Variants in MAP4K5 observed in about 807,000 individuals in gnomAD.
MAP4K5 encodes mitogen-activated protein kinase kinase kinase kinase 5.
In MAP4K5, 82 loss-of-function variants were observed where a neutral mutation model predicts 135.6. The ratio of observed to expected loss-of-function variants is 0.60; its 90% CI spans 0.51 to 0.73. The LOEUF (loss-of-function observed/expected upper bound fraction) is 0.73. Among genes scored for constraint, MAP4K5 ranks in the 30% least tolerant of loss-of-function variants. The probability of loss-of-function intolerance (pLI) is 0.00; values close to 1 mark genes in which losing one functional copy is unlikely to be tolerated. For missense variants in MAP4K5, 907 were observed against 1,010.9 expected, an observed-to-expected ratio of 0.90 and a Z score of 1.39; for synonymous variants, 347 against 335.0, an observed-to-expected ratio of 1.04 and a Z score of -0.39.
chr14:50,520,449 C>T (rs2038125364), intron 2 of MAP4K5, among the ~76,000 whole-genome samples: 1 of 152,038 alleles, frequency 6.6e-6, no homozygotes, highest in Non-Finnish European at 1.5e-5. Context: ...AGTAGTGAGC[C>T]GAGATCATGG....
intron 6 of MAP4K5, among the ~76,000 whole-genome samples, chr14:50,478,870 T>G (rs959506947): frequency 2.6e-5 from 4 of 152,156 alleles, no homozygotes; most frequent in Non-Finnish European, 5.9e-5. Context: ...TTTTCCACTG[T>G]CTTCTCACTT....
chr14:50,553,211 C>A lies in MAP4K5; in HGVS notation c.-180+7829G>T, dbSNP rs769563349. 4.7e-4 allele frequency among the ~76,000 whole-genome samples: 70 copies of A among 149,444 alleles called. 1 individual carries two copies. The highest frequency in any genetic ancestry group is 3.7e-3 in the Admixed American group (55 of 14,934). On this transcript the variant is annotated intron_variant, in intron 1 of 8. Transcript: ENST00000555216. The stretch of plus-strand genomic sequence containing the variant: ...CTCAGGAGGCTGAAGCAGGAGAATG[C>A]AGTGAGCCGAGATCGTGCCACTGCA...
At chr14:50,445,565 TTTTC>T (rs560098658) in intron 17 of MAP4K5, among the ~76,000 whole-genome samples, 15 of 152,088 alleles carry the variant, frequency 9.9e-5, no homozygotes, top group Admixed American at 3.9e-4. Context: ...GTTTTTGCCT[TTTTC>T]TTTCTTTCTT....
intron 2 of MAP4K5, among the ~76,000 whole-genome samples, chr14:50,525,818 T>G (rs1278701283): frequency 6.6e-6 from 1 of 152,126 alleles, no homozygotes; most frequent in Non-Finnish European, 1.5e-5. Flanking sequence ...CACTGCAGCC[T>G]AAGTGAAAAA....
chr14:50,536,752 G>T (rs987247703), upstream of MAP4K5, among the ~76,000 whole-genome samples: 4 of 152,206 alleles, frequency 2.6e-5, no homozygotes, highest in African/African-American at 4.8e-5. Context: ...GTGGCATTTT[G>T]CCCCTGCCCT....
intron 29 of MAP4K5, among the ~76,000 whole-genome samples, 161 bp from the exon 30 acceptor site, chr14:50,428,915 G>A (rs1187585558): frequency 1.3e-5 from 2 of 152,188 alleles, no homozygotes; most frequent in Admixed American, 1.3e-4. Flanking sequence ...TACTGTAAGA[G>A]TGCCTCCATC....
intron 6 of MAP4K5, among the ~76,000 whole-genome samples, chr14:50,476,931 T>C (rs983562432): frequency 2.0e-5 from 3 of 152,342 alleles, no homozygotes; most frequent in Non-Finnish European, 4.4e-5. Flanking sequence ...TCTGGCACTA[T>C]AGTTCAGGTT....
At chr14:50,426,137 GC>G (rs2035841306) in intron 30 of MAP4K5, among the ~76,000 whole-genome samples, 160 bp from the exon 31 acceptor site, 1 of 152,160 alleles carries the variant, frequency 6.6e-6, no homozygotes, top group Non-Finnish European at 1.5e-5. Context: ...GCTAAGACAT[GC>G]CTAAGTTCAA....
At chr14:50,466,381 C>CAAAAAAAAAAAAAAAAAAAAAAAAAAAA (rs1194669006) in intron 11 of MAP4K5, among the ~76,000 whole-genome samples, 1 of 54,632 alleles carries the variant, frequency 1.8e-5, no homozygotes, top group African/African-American at 7.6e-5. Context: ...AATCCTGTCT[C>CAAAAAAAAAAAAAAAAAAAAAAAAAAAA]AAAAAAAAAA....
intron 3 of MAP4K5, among the ~76,000 whole-genome samples, chr14:50,503,263 T>C (rs1334683710): frequency 6.6e-6 from 1 of 152,012 alleles, no homozygotes; most frequent in Non-Finnish European, 1.5e-5. Flanking sequence ...CCAAAAAAAT[T>C]TTTAAATGGC....
chr14:50,528,525 T>A (rs1167954088), intron 2 of MAP4K5, among the ~76,000 whole-genome samples: 1 of 151,210 alleles, frequency 6.6e-6, no homozygotes, highest in Admixed American at 6.6e-5. Flanking sequence ...TGAGACTAGC[T>A]TGGGCAACAC....
At chr14:50,522,342 T>A (rs1231211770) in intron 2 of MAP4K5, among the ~76,000 whole-genome samples, 1 of 152,208 alleles carries the variant, frequency 6.6e-6, no homozygotes, top group Non-Finnish European at 1.5e-5. Flanking sequence ...ACTTTTTACT[T>A]CTTTTACAGT....
chr14:50,518,487 T>C (rs1256072127), intron 2 of MAP4K5, among the ~76,000 whole-genome samples: 1 of 152,152 alleles, frequency 6.6e-6, no homozygotes, highest in Non-Finnish European at 1.5e-5. Context: ...AGCGAGAACA[T>C]GCGGTGCAAA....
chr14:50,441,799 T>C (rs78670551), intron 21 of MAP4K5, among the ~76,000 whole-genome samples: 23 of 125,596 alleles, frequency 1.8e-4, no homozygotes, highest in South Asian at 2.7e-4. Context: ...CACACACACA[T>C]ATATATACCC....
chr14:50,498,563 T>C (rs2037642126), intron 3 of MAP4K5, among the ~76,000 whole-genome samples: 1 of 152,184 alleles, frequency 6.6e-6, no homozygotes, highest in South Asian at 2.1e-4. Context: ...TTTTTGACTA[T>C]TAGGAAGACC....
rs770794851 is a variant in MAP4K5 at position 50,448,819 on chromosome 14, T to C, written c.1029A>G (p.Gln343=). Residue 343 remains glutamine, a synonymous_variant, in exon 15 of 33, where the codon CAA becomes CAG. Coordinates refer to ENST00000682126, the MANE Select transcript of MAP4K5 (RefSeq NM_006575.6). ...TASEINFDKL[Q]FEPPLRKETE... Reference sequence around the variant, plus strand: ...TTTCTTTTCTCAGAGGAGGTTCAAATTGTAATTTGTCAACTGCAAAATATA... The same window carrying C: ...TTTCTTTTCTCAGAGGAGGTTCAAACTGTAATTTGTCAACTGCAAAATATA... The C allele has an allele frequency of 5.2e-5, 81 of 1,553,800 alleles. No homozygotes were observed. Among genetic ancestry groups the C allele is most frequent in the Middle Eastern group, 5.0e-4 (3 of 5,980 alleles).
chr14:50,436,861 T>C (rs1169856099), intron 26 of MAP4K5, among the ~76,000 whole-genome samples: 1 of 152,168 alleles, frequency 6.6e-6, no homozygotes, highest in African/African-American at 2.4e-5. Context: ...CTTCTTCCCT[T>C]GGCTGATTTT....
intron 5 of MAP4K5, among the ~76,000 whole-genome samples, chr14:50,483,322 C>T (rs553311871): frequency 6.6e-6 from 1 of 152,234 alleles, no homozygotes; most frequent in African/African-American, 2.4e-5. Context: ...AAGAACTCAA[C>T]CAGAGGCTTC....
Position 50,499,437 on chromosome 14 carries a change from C to T in MAP4K5, c.166+5363G>A, listed in dbSNP as rs925251808. 1.1e-4 allele frequency among the ~76,000 whole-genome samples: 17 copies of T among 152,092 alleles called. 1 individual carries two copies. The highest frequency in any genetic ancestry group is 1.3e-4 in the Admixed American group (2 of 15,272). Reference sequence around the variant, plus strand: ...CTTTGGGAGGCCTAGACGGGCAGATCACTTGAGGCCAGGAGTCCAAGACCA... The same window carrying T: ...CTTTGGGAGGCCTAGACGGGCAGATTACTTGAGGCCAGGAGTCCAAGACCA... On this transcript the variant is annotated intron_variant, in intron 3 of 32. Transcript: ENST00000682126.
Sources: gnomAD v4.1 joint callset for allele counts (sites outside exome capture counted in the v4.1 genomes callset) on GRCh38, gnomAD v4.1.1 for gene constraint, MANE v1.5 for transcripts, NCBI Gene and HGNC (gene_info 2026-07-23, HGNC 2026-07-21) for gene names.